The following CFI variants were observed in gnomAD, a reference collection of about 807,000 sequenced individuals.
CFI encodes the protein complement factor I.
A neutral mutation model predicts 78.8 loss-of-function variants in CFI; 66 were observed. That is an observed-to-expected ratio of 0.84 (90% confidence interval 0.69 to 1.03). CFI has a LOEUF of 1.03. Among genes scored for constraint, CFI ranks in the 50% least tolerant of loss-of-function variants. The pLI, the probability that CFI is intolerant of heterozygous loss-of-function variation, is 0.00. For synonymous variants in CFI, 250 were observed against 232.6 expected, an observed-to-expected ratio of 1.07 and a Z score of -0.68; for missense variants, 706 against 704.5, an observed-to-expected ratio of 1.00 and a Z score of -0.02.
intron 1 of CFI, among the ~76,000 whole-genome samples, chr4:109,796,491 C>A (rs1471783455): frequency 6.6e-6 from 1 of 152,116 alleles, no homozygotes; most frequent in African/African-American, 2.4e-5. Context: ...AATGAACTGT[C>A]CTAGAAAGAA....
chr4:109,768,334 T>TAAAAAAA (rs756365540), intron 1 of CFI, among the ~76,000 whole-genome samples: 4 of 63,178 alleles, frequency 6.3e-5, no homozygotes, highest in Non-Finnish European at 8.8e-5. Context: ...GAAGAAATCC[T>TAAAAAAA]AAAAAAAAAA....
intron 1 of CFI, among the ~76,000 whole-genome samples, chr4:109,771,020 G>A (rs1728515409): frequency 6.6e-6 from 1 of 152,148 alleles, no homozygotes; most frequent in African/African-American, 2.4e-5. Flanking sequence ...TGGAGAGAGA[G>A]TTAGGGGTGG....
chr4:109,774,536 AG>A (rs1728979734), intron 1 of CFI, among the ~76,000 whole-genome samples: 1 of 152,122 alleles, frequency 6.6e-6, no homozygotes, highest in South Asian at 2.1e-4. Flanking sequence ...AATAAGTAAC[AG>A]GGGGAATAGG....
intron 1 of CFI, among the ~76,000 whole-genome samples, chr4:109,774,436 A>G (rs550616502): frequency 2.6e-5 from 4 of 152,144 alleles, no homozygotes; most frequent in Non-Finnish European, 5.9e-5. Context: ...GGGGTGATGT[A>G]TCATGGTCAG....
At chr4:109,751,438 C>CTTTT (rs66497003) in intron 8 of CFI, among the ~76,000 whole-genome samples, 58 of 100,338 alleles carry the variant, frequency 5.8e-4, no homozygotes, top group East Asian at 3.0e-3. Flanking sequence ...AGAGCTAAAT[C>CTTTT]TTTTTTTTTT....
intron 7 of CFI, among the ~76,000 whole-genome samples, chr4:109,756,961 GA>G (rs1201097860): frequency 2.3e-5 from 3 of 133,112 alleles, no homozygotes; most frequent in African/African-American, 8.2e-5. Flanking sequence ...AAGAAAGAAA[GA>G]AAGAAAGAAA....
chr4:109,778,358 T>C (rs2125839752), intron 1 of CFI, among the ~76,000 whole-genome samples: 1 of 152,162 alleles, frequency 6.6e-6, no homozygotes, highest in East Asian at 1.9e-4. Context: ...AACACCTCTA[T>C]GCAAATAAAC....
At chr4:109,781,859 A>C (rs1730078923) in intron 1 of CFI, among the ~76,000 whole-genome samples, 1 of 151,820 alleles carries the variant, frequency 6.6e-6, no homozygotes, top group South Asian at 2.1e-4. Context: ...TTTAACATAC[A>C]CAAGTCAATA....
intron 12 of CFI, chr4:109,741,455 T>C (rs1389724809): frequency 1.3e-5 from 8 of 605,110 alleles, no homozygotes; most frequent in Non-Finnish European, 1.7e-5. Context: ...TAAATATTTA[T>C]TAGTCATTCA....
chr4:109,742,759 T>C (rs759864070), intron 11 of CFI, among the ~76,000 whole-genome samples, 164 bp from the exon 12 acceptor site: 1 of 152,212 alleles, frequency 6.6e-6, no homozygotes, highest in Non-Finnish European at 1.5e-5. Context: ...CATATGTCTA[T>C]TTCTAAAATT....
chr4:109,779,201 T>C (rs1260625795), intron 1 of CFI, among the ~76,000 whole-genome samples: 1 of 152,190 alleles, frequency 6.6e-6, no homozygotes, highest in Admixed American at 6.5e-5. Context: ...TTGTCCCTGT[T>C]TGCAGATGAC....
At chr4:109,773,214 A>T (rs1469261046) in intron 1 of CFI, among the ~76,000 whole-genome samples, 1 of 152,194 alleles carries the variant, frequency 6.6e-6, no homozygotes, top group Non-Finnish European at 1.5e-5. Context: ...CCAGACCCAC[A>T]GTAGGCTTTG....
chr4:109,749,206 G>T lies in CFI; in HGVS notation c.1148+12C>A, dbSNP rs781553694. ...TTCGGGAAATCTAAAATTTACTGAA[G>T]ACATCTTTTACCTGAGACAATGTGC... On this transcript the variant is annotated intron_variant, in intron 10 of 12. Transcript: ENST00000394634. 6.2e-7 allele frequency: 1 copy of T among 1,602,150 alleles called. No homozygotes were observed. The highest frequency in any genetic ancestry group is 8.6e-7 in the Non-Finnish European group (1 of 1,169,152).
At chr4:109,761,732 A>C (rs773198676) in intron 3 of CFI, 40 bp from the exon 4 acceptor site, 4 of 1,516,200 alleles carry the variant, frequency 2.6e-6, no homozygotes, top group Non-Finnish European at 3.7e-6. Flanking sequence ...TAGAATAATT[A>C]GTACTTTGCA....
At chr4:109,761,800 T>G in intron 3 of CFI, 108 bp from the exon 4 acceptor site, 2 of 907,158 alleles carry the variant, frequency 2.2e-6, no homozygotes, top group Non-Finnish European at 3.5e-6. Context: ...ATTCTCTATA[T>G]AGGAGTTACA....
In CFI at chr4:109,742,533, A is replaced by G. The variant is rs137886324; in HGVS notation, c.1492T>C (p.Phe498Leu). 9 of 1,613,810 alleles carry G rather than the reference A, an allele frequency of 5.6e-6. No homozygotes were observed. Among genetic ancestry groups the G allele is most frequent in the Non-Finnish European group, 7.6e-6 (9 of 1,179,750 alleles). The change falls in exon 12 of 13, where the codon TTT becomes CTT. Residue 498 changes from phenylalanine to leucine, a missense_variant. By Grantham distance (22) the Phe-to-Leu change is conservative. Coordinates refer to ENST00000394634, the MANE Select transcript of CFI (RefSeq NM_000204.5). ...TTTTCATAGAAACGATTTCCGTAAAACTTAGAGCAGTTGCTTATTAGTTTA... is the reference window on the plus strand; with the variant it reads ...TTTTCATAGAAACGATTTCCGTAAAGCTTAGAGCAGTTGCTTATTAGTTTA... The part of the protein sequence containing the change: ...EVKLISNCSK[F>L]YGNRFYEKEM...
In CFI at chr4:109,740,811, G is replaced by T; in HGVS notation, c.*82C>A. On this transcript the variant is annotated 3_prime_UTR_variant, in exon 13 of 13. Coordinates refer to ENST00000394634, the MANE Select transcript of CFI (RefSeq NM_000204.5). ...ATTTGCTTCATTTTTCCCCCCTAGA[G>T]AATTATTAATTATACCGTTTTATTT... 3 of 1,312,556 alleles carry T rather than the reference G, an allele frequency of 2.3e-6. No homozygotes were observed. The highest frequency in any genetic ancestry group is 2.2e-6 in the Non-Finnish European group (2 of 912,974). The allele number at this position is 1,312,556 out of a possible 1,614,324, so 81.3% of individuals were successfully genotyped here.
At chr4:109,756,445 G>C (rs1015391629) in intron 7 of CFI, among the ~76,000 whole-genome samples, 6 of 151,520 alleles carry the variant, frequency 4.0e-5, no homozygotes, top group Admixed American at 2.6e-4. Context: ...GGAAGAAGGA[G>C]GAGGAGGAGG....
intron 1 of CFI, among the ~76,000 whole-genome samples, chr4:109,779,970 A>G (rs373475075): frequency 3.3e-4 from 49 of 148,932 alleles, no homozygotes; most frequent in African/African-American, 1.2e-3. Context: ...TAAGGTGTAT[A>G]TTTACACCTT....
Sources: gnomAD v4.1 joint callset for allele counts (sites outside exome capture counted in the v4.1 genomes callset) on GRCh38, gnomAD v4.1.1 for gene constraint, MANE v1.5 for transcripts, NCBI Gene and HGNC (gene_info 2026-07-23, HGNC 2026-07-21) for gene names.